The following CCNY variants were observed in gnomAD, a reference collection of about 807,000 sequenced individuals.
The protein encoded by CCNY is cyclin-Y.
A neutral mutation model predicts 42.8 loss-of-function variants in CCNY; 19 were observed. The ratio of observed to expected loss-of-function variants is 0.44; its 90% CI spans 0.31 to 0.65. CCNY has a LOEUF of 0.65. Among genes scored for constraint, CCNY ranks in the 30% least tolerant of loss-of-function variants. The pLI, the probability that CCNY is intolerant of heterozygous loss-of-function variation, is 0.07. For synonymous variants in CCNY, 165 were observed against 162.7 expected (o/e 1.01, Z -0.11); for missense variants, 370 against 437.3 (o/e 0.85, Z 1.37).
chr10:35,297,180 TA>T (rs1005335789), intron 3 of CCNY, among the ~76,000 whole-genome samples: 64 of 144,902 alleles, frequency 4.4e-4, no homozygotes, highest in South Asian at 6.7e-4. Context: ...ATATACAAAT[TA>T]AAAAAAAAAG....
chr10:35,322,808 T>C (rs1835835937), intron 3 of CCNY, among the ~76,000 whole-genome samples: 1 of 152,212 alleles, frequency 6.6e-6, no homozygotes, highest in Non-Finnish European at 1.5e-5. Context: ...TCCATTAGGA[T>C]GGTGAAAATT....
chr10:35,383,571 G>A (rs1200912346), intron 1 of CCNY, among the ~76,000 whole-genome samples: 1 of 152,192 alleles, frequency 6.6e-6, no homozygotes, highest in Non-Finnish European at 1.5e-5. Flanking sequence ...GCCTCCCAAA[G>A]TGTTGGGATT....
chr10:35,562,653 C>G (rs1343522758), intron 8 of CCNY, among the ~76,000 whole-genome samples: 2 of 152,106 alleles, frequency 1.3e-5, no homozygotes, highest in Non-Finnish European at 2.9e-5. Context: ...AATTTCCTTT[C>G]TTTTTAGGGC....
At chr10:35,454,067 C>T (rs1341004671) in intron 1 of CCNY, among the ~76,000 whole-genome samples, 1 of 152,148 alleles carries the variant, frequency 6.6e-6, no homozygotes, top group African/African-American at 2.4e-5. Context: ...GCGGCGAATC[C>T]AGAGGAACAC....
At chr10:35,451,336 G>GA (rs1239790822) in intron 1 of CCNY, among the ~76,000 whole-genome samples, 2 of 152,202 alleles carry the variant, frequency 1.3e-5, no homozygotes, top group Non-Finnish European at 2.9e-5. Context: ...TTGGTGAGCA[G>GA]AACTTGCTGT....
chr10:35,470,594 A>G (rs1839373184), intron 1 of CCNY, among the ~76,000 whole-genome samples: 1 of 152,242 alleles, frequency 6.6e-6, no homozygotes, highest in Admixed American at 6.5e-5. Flanking sequence ...ATGATAGTCC[A>G]GAAAATAAAC....
chr10:35,337,241 C>T lies in CCNY; in HGVS notation c.154+34C>T, dbSNP rs552967382. On this transcript the variant is annotated intron_variant, in intron 1 of 9. Transcript: ENST00000374704. Reference sequence around the variant, plus strand: ...GGCCCGCCGAGCCCCCTACCCGCCCCCGCGGCAACAGTCGCACAGCCAACG... The same window carrying T: ...GGCCCGCCGAGCCCCCTACCCGCCCTCGCGGCAACAGTCGCACAGCCAACG... 10 of 1,467,600 alleles carry T rather than the reference C, an allele frequency of 6.8e-6. No individual in the cohort carries two copies. In the South Asian group the frequency reaches 1.2e-4, roughly 17 times the overall value. 90.9% of individuals were successfully genotyped at this position (1,467,600 alleles called of 1,614,324 possible).
At chr10:35,563,875 ATTT>A (rs527639128) in intron 8 of CCNY, among the ~76,000 whole-genome samples, 1 of 118,496 alleles carries the variant, frequency 8.4e-6, no homozygotes, top group Admixed American at 8.5e-5. Flanking sequence ...TGCCTGACTA[ATTT>A]TTTTTTTTTT....
At chr10:35,430,839 G>A (rs1838377255) in intron 1 of CCNY, among the ~76,000 whole-genome samples, 2 of 152,096 alleles carry the variant, frequency 1.3e-5, no homozygotes, top group South Asian at 4.2e-4. Context: ...GGCTTGGCGT[G>A]GTGGCTCATG....
At chr10:35,463,222 A>G (rs1022546939) in intron 1 of CCNY, among the ~76,000 whole-genome samples, 19 of 152,218 alleles carry the variant, frequency 1.2e-4, no homozygotes, top group African/African-American at 4.3e-4. Flanking sequence ...CTCCTTATTC[A>G]TCTAAAAAAT....
chr10:35,473,257 G>A (rs1424512275), intron 1 of CCNY, among the ~76,000 whole-genome samples: 3 of 152,232 alleles, frequency 2.0e-5, no homozygotes, highest in African/African-American at 7.2e-5. Context: ...ATGCCCACCT[G>A]CCTCGTGGCA....
intron 1 of CCNY, among the ~76,000 whole-genome samples, chr10:35,402,401 G>C (rs1030789845): frequency 2.0e-5 from 3 of 152,194 alleles, no homozygotes; most frequent in Admixed American, 6.5e-5. Context: ...AAGGGGTTCA[G>C]TGTTATTGTT....
intron 3 of CCNY, among the ~76,000 whole-genome samples, chr10:35,263,465 A>G (rs979103090): frequency 1.3e-5 from 2 of 151,284 alleles, no homozygotes; most frequent in African/African-American, 4.9e-5. Context: ...TGCTTTAGCC[A>G]AGGAGTTCAA....
intron 1 of CCNY, among the ~76,000 whole-genome samples, chr10:35,342,434 G>C (rs753934243): frequency 5.3e-5 from 8 of 152,226 alleles, no homozygotes; most frequent in Non-Finnish European, 8.8e-5. Flanking sequence ...GCAGTGTGGA[G>C]AAGTGCAGTT....
intron 1 of CCNY, among the ~76,000 whole-genome samples, chr10:35,399,099 G>A (rs931822851): frequency 6.6e-6 from 1 of 152,224 alleles, no homozygotes; most frequent in African/African-American, 2.4e-5. Flanking sequence ...TGACTTGAAA[G>A]CATGAGCTGA....
At chr10:35,261,341 G>A (rs1364313685) in intron 3 of CCNY, among the ~76,000 whole-genome samples, 7 of 151,234 alleles carry the variant, frequency 4.6e-5, no homozygotes, top group Admixed American at 6.6e-5. Flanking sequence ...GGGTTCAAGC[G>A]ATTTTGCTGC....
chr10:35,401,209 G>T (rs918656537), intron 1 of CCNY, among the ~76,000 whole-genome samples: 1 of 152,222 alleles, frequency 6.6e-6, no homozygotes, highest in Non-Finnish European at 1.5e-5. Flanking sequence ...TCCTTCTCAG[G>T]TTTAATAAGA....
chr10:35,494,340 A>G (rs111931526), intron 2 of CCNY, among the ~76,000 whole-genome samples: 1 of 151,458 alleles, frequency 6.6e-6, no homozygotes, highest in African/African-American at 2.4e-5. Context: ...GTCTGAAATT[A>G]TATCAGCCAG....
chr10:35,553,017 A>T lies in CCNY; in HGVS notation c.580-2A>T. 6.2e-7 allele frequency: 1 copy of T among 1,613,482 alleles called. No homozygotes were observed. Among genetic ancestry groups the T allele is most frequent in the Non-Finnish European group, 8.5e-7 (1 of 1,179,466 alleles). On this transcript the variant is annotated splice_acceptor_variant, in intron 7 of 9. Coordinates refer to ENST00000374704, the MANE Select transcript of CCNY (RefSeq NM_145012.6). LOFTEE classifies it high-confidence loss of function. ...AGCTCTGGCATTGTCTTGTCTTCCC[A>T]GGTGTACCTTGAAAGACTTTTAACA...
Sources: allele counts gnomAD v4.1 joint callset (sites outside exome capture counted in the v4.1 genomes callset), GRCh38; gene constraint gnomAD v4.1.1; transcripts MANE v1.5; gene names NCBI Gene and HGNC (gene_info 2026-07-23, HGNC 2026-07-21).